The following CCAR1 variants were observed in gnomAD, a reference collection of about 807,000 sequenced individuals.
CCAR1 encodes the protein cell division cycle and apoptosis regulator protein 1.
Under a neutral mutation model 163.8 loss-of-function variants are expected in CCAR1, and 78 were observed. The ratio of observed to expected loss-of-function variants is 0.48; its 90% CI spans 0.40 to 0.57. The LOEUF is 0.57. Ranked by LOEUF, CCAR1 falls within the 20% of genes least tolerant of loss-of-function variation. The pLI is 0.00. For missense variants in CCAR1, 1,019 were observed against 1,365.2 expected (o/e 0.75, Z 4.00); for synonymous variants, 443 against 460.7 (o/e 0.96, Z 0.49).
chr10:68,789,903 T>C lies in CCAR1; in HGVS notation c.3381T>C (p.Thr1127=). 1 of 1,561,662 alleles carries C rather than the reference T, an allele frequency of 6.4e-7. No homozygotes were observed. The change falls in exon 24 of 25, where the codon ACT becomes ACC. Residue 1127 remains threonine, a synonymous_variant. Transcript: ENST00000265872. The stretch of plus-strand genomic sequence containing the variant: ...CTACGGTAATGGATGAAATCCACAC[T>C]GTTCTCAAGAAGGTGAGAAATTTTG... The part of the protein sequence containing the change: ...NLSTVMDEIH[T]VLKKDNVKNE...
chr10:68,730,692 T>G lies in CCAR1; in HGVS notation c.74-6184T>G, dbSNP rs73264518. Among the ~76,000 whole-genome samples, 849 of 152,218 alleles carry G rather than the reference T, an allele frequency of 5.6e-3. 5 individuals are homozygous for G. The highest frequency in any genetic ancestry group is 0.019 in the African/African-American group (808 of 41,528). On this transcript the variant is annotated intron_variant, in intron 2 of 24. Coordinates refer to ENST00000265872, the MANE Select transcript of CCAR1 (RefSeq NM_018237.4). ...GTTTCAGAAAACTTAGCCCTTAATT[T>G]TTTTAATTTAATTTTTTGAGACAGG...
At chr10:68,789,189 A>G (rs898505652) in intron 23 of CCAR1, among the ~76,000 whole-genome samples, 2 of 151,852 alleles carry the variant, frequency 1.3e-5, no homozygotes, top group African/African-American at 2.4e-5. Flanking sequence ...GTTTACAGGC[A>G]TGAGCCACTG....
At chr10:68,760,448 C>G (rs889375753) in intron 15 of CCAR1, among the ~76,000 whole-genome samples, 4 of 152,084 alleles carry the variant, frequency 2.6e-5, no homozygotes, top group Non-Finnish European at 5.9e-5. Flanking sequence ...ACTTCTGGGT[C>G]AAAGAACATT....
chr10:68,750,238 T>C (rs1430967721), intron 10 of CCAR1, among the ~76,000 whole-genome samples: 2 of 137,778 alleles, frequency 1.5e-5, no homozygotes, highest in Non-Finnish European at 3.1e-5. Context: ...TTTTTTGAGA[T>C]AGGGTCTTAC....
rs1564531346 is a variant in CCAR1 at position 68,737,856 on chromosome 10, A to T, written c.258A>T (p.Gln86His). ...AAAALQQQYS[Q>H]PQQALYSVQQ... ...TTTTAATCTTTCAGCAATATTCACA[A>T]CCTCAGCAGGCCCTGTATAGTGTGC... The change falls in exon 4 of 25, where the codon CAA (glutamine) becomes CAT (histidine). Residue 86 changes from glutamine to histidine, a missense_variant. Physicochemically the swap from Gln to His is conservative, Grantham distance 24. Around this residue, in one of 4 missense-constraint regions of CCAR1, gnomAD observed 644 missense variants for 904.4 expected, o/e 0.71. Coordinates refer to ENST00000265872, the MANE Select transcript of CCAR1 (RefSeq NM_018237.4). 1 of 1,591,872 alleles carries T rather than the reference A, an allele frequency of 6.3e-7. No individual in the cohort carries two copies. Among genetic ancestry groups the T allele is most frequent in the Non-Finnish European group, 8.5e-7 (1 of 1,172,736 alleles).
intron 19 of CCAR1, among the ~76,000 whole-genome samples, chr10:68,777,451 G>A (rs2056680395): frequency 6.6e-6 from 1 of 152,054 alleles, no homozygotes; most frequent in Non-Finnish European, 1.5e-5. Flanking sequence ...GGGAGGCCGA[G>A]GCGGGTGGAT....
At chr10:68,761,642 G>A (rs2056472387) in intron 16 of CCAR1, among the ~76,000 whole-genome samples, 2 of 150,144 alleles carry the variant, frequency 1.3e-5, no homozygotes, top group South Asian at 4.2e-4. Flanking sequence ...CGCTCTTGTT[G>A]CCTAGGAGGG....
At chr10:68,733,734 G>A (rs899322300) in intron 2 of CCAR1, among the ~76,000 whole-genome samples, 6 of 151,944 alleles carry the variant, frequency 3.9e-5, no homozygotes, top group East Asian at 1.9e-4. Context: ...GCAGTGGCGC[G>A]ACCTTGGCTT....
intron 18 of CCAR1, among the ~76,000 whole-genome samples, chr10:68,772,757 CAAAAA>C (rs33999647): frequency 3.4e-5 from 4 of 117,740 alleles, no homozygotes; most frequent in Non-Finnish European, 7.5e-5. Context: ...GACTCCATCT[CAAAAA>C]AAAAAAAACC....
chr10:68,770,719 G>A (rs1322205377), intron 17 of CCAR1, among the ~76,000 whole-genome samples: 1 of 152,154 alleles, frequency 6.6e-6, no homozygotes, highest in Non-Finnish European at 1.5e-5. Flanking sequence ...CTCCAGTTTG[G>A]GTGACAGAGG....
At chr10:68,740,815 A>G (rs190950331) in intron 5 of CCAR1, among the ~76,000 whole-genome samples, 154 bp downstream of exon 5, 1 of 152,140 alleles carries the variant, frequency 6.6e-6, no homozygotes, top group East Asian at 1.9e-4. Context: ...GTAGTATGCT[A>G]GTTTATTTTT....
intron 19 of CCAR1, among the ~76,000 whole-genome samples, chr10:68,783,140 TTACAGGCATGAGCCACCATGCCCAGC>T (rs1408273221): frequency 2.0e-5 from 3 of 151,766 alleles, no homozygotes; most frequent in Non-Finnish European, 2.9e-5. Flanking sequence ...GTAGCTGGGA[TTACAGGCATGAGCCACCATGCCCAGC>T]TAAATATTTA....
chr10:68,749,792 G>C (rs879465487), intron 10 of CCAR1, 107 bp downstream of exon 10: 1 of 960,786 alleles, frequency 1.0e-6, no homozygotes, highest in Non-Finnish European at 1.6e-6. Context: ...CCGACAGTTA[G>C]TGTTCTTCAT....
chr10:68,722,877 G>A (rs1267464939), intron 2 of CCAR1, among the ~76,000 whole-genome samples: 2 of 151,844 alleles, frequency 1.3e-5, no homozygotes, highest in Non-Finnish European at 2.9e-5. Flanking sequence ...AGCTGAGATC[G>A]CGCCACTGCA....
chr10:68,772,774 T>G (rs2056619073), intron 18 of CCAR1, among the ~76,000 whole-genome samples: 1 of 148,580 alleles, frequency 6.7e-6, no homozygotes, highest in Non-Finnish European at 1.5e-5. Context: ...AAAAAAACCA[T>G]ATATATATGT....
chr10:68,747,350 T>C (rs1015223397), intron 7 of CCAR1, 24 bp from the exon 8 acceptor site: 5 of 1,603,622 alleles, frequency 3.1e-6, no homozygotes, highest in Middle Eastern at 1.7e-4. Flanking sequence ...TTTTTTTTCT[T>C]ATTCTTTCAT....
intron 15 of CCAR1, among the ~76,000 whole-genome samples, chr10:68,758,601 A>G (rs912980139): frequency 2.1e-5 from 3 of 140,878 alleles, no homozygotes; most frequent in African/African-American, 8.1e-5. Context: ...ACACACACAT[A>G]TATATACGTG....
intron 15 of CCAR1, among the ~76,000 whole-genome samples, chr10:68,758,677 G>T (rs1452030568): frequency 2.1e-4 from 3 of 14,570 alleles, no homozygotes; most frequent in African/African-American, 5.2e-4. Context: ...ATATACACAC[G>T]TGTATATATA....
rs750417112 is a variant in CCAR1, at chr10:68,756,298, C to T, written c.1651C>T (p.His551Tyr). Residue 551 changes from histidine to tyrosine, a missense_variant, in exon 14 of 25, where the codon CAT becomes TAT. His to Tyr is a moderately conservative substitution (Grantham distance 83). This residue lies in a region of CCAR1 where 644 missense variants were observed against 904.4 expected (regional missense o/e 0.71). Transcript: ENST00000265872. The surrounding 1 kb of genome is among the most constrained non-coding windows in gnomAD (Gnocchi z 5.1). Reference protein sequence around the residue: ...QWYRFAEIRYHRPEETHKGRT... With the variant: ...QWYRFAEIRYYRPEETHKGRT... ...GTACCGTTTTGCAGAGATTCGCTACCATCGCCCTGAGGAGACCCACAAGGG... is the reference window on the plus strand; with the variant it reads ...GTACCGTTTTGCAGAGATTCGCTACTATCGCCCTGAGGAGACCCACAAGGG... 6.2e-7 allele frequency: 1 copy of T among 1,614,000 alleles called. No individual in the cohort carries two copies. The highest frequency in any genetic ancestry group is 8.5e-7 in the Non-Finnish European group (1 of 1,179,938).
Sources: allele counts gnomAD v4.1 joint callset (sites outside exome capture counted in the v4.1 genomes callset), GRCh38; gene constraint gnomAD v4.1.1; regional missense constraint gnomAD v4.1.1; non-coding constraint Gnocchi (gnomAD v3.1); transcripts MANE v1.5; gene names NCBI Gene and HGNC (gene_info 2026-07-23, HGNC 2026-07-21).